TBC1D7: variants seen among roughly 807,000 people sequenced by gnomAD.
TBC1D7 encodes TBC domain family 7.
TBC1D7 carries 33 observed loss-of-function variants against 35.3 expected under a neutral mutation model. The ratio of observed to expected loss-of-function variants is 0.93; its 90% CI spans 0.71 to 1.25. The LOEUF (loss-of-function observed/expected upper bound fraction) is 1.25. TBC1D7 is among the 50% of genes most tolerant of loss of function. The pLI, the probability that TBC1D7 is intolerant of heterozygous loss-of-function variation, is 0.00. For missense variants in TBC1D7, 362 were observed against 365.3 expected (o/e 0.99, Z 0.07); for synonymous variants, 135 against 129.5 (o/e 1.04, Z -0.29).
chr6:13,311,664 T>A (rs1001607747), intron 5 of TBC1D7, among the ~76,000 whole-genome samples: 1 of 152,176 alleles, frequency 6.6e-6, no homozygotes, highest in African/African-American at 2.4e-5. Flanking sequence ...GGCACTGTAA[T>A]GCATACACAA....
intron 5 of TBC1D7, among the ~76,000 whole-genome samples, chr6:13,315,075 T>TA (rs1210363846): frequency 6.6e-6 from 1 of 151,988 alleles, no homozygotes; most frequent in Non-Finnish European, 1.5e-5. Context: ...CAGCTTTTTT[T>TA]AAAAAAAGAA....
At chr6:13,314,856 G>C (rs1026349680) in intron 5 of TBC1D7, among the ~76,000 whole-genome samples, 1 of 152,058 alleles carries the variant, frequency 6.6e-6, no homozygotes, top group African/African-American at 2.4e-5. Context: ...AAGAAAAAAA[G>C]GTTTATTTTT....
chr6:13,320,304 T>A (rs1008629214), intron 4 of TBC1D7: 1 of 159,484 alleles, frequency 6.3e-6, no homozygotes, highest in Non-Finnish European at 1.4e-5. Flanking sequence ...ATGGAGCTGG[T>A]AGATTACGTT....
chr6:13,306,014 GAGATGGTCTC>G (rs1292965303), intron 7 of TBC1D7: 65 of 178,782 alleles, frequency 3.6e-4, no homozygotes, highest in African/African-American at 1.4e-3. Flanking sequence ...ACACATTCAC[GAGATGGTCTC>G]AGACCATCAT....
In TBC1D7 at chr6:13,305,062, T is replaced by G. The variant is rs757253710; in HGVS notation, c.*39A>C. ...CACATGCCAAGAACACAATGCTCACTGTGGTGCCTGGCAGACGGTCCACAA... is the reference window on the plus strand; with the variant it reads ...CACATGCCAAGAACACAATGCTCACGGTGGTGCCTGGCAGACGGTCCACAA... On this transcript the variant is annotated 3_prime_UTR_variant, in exon 8 of 8. Transcript: ENST00000379300. 8.0e-6 allele frequency: 12 copies of G among 1,508,144 alleles called. No homozygotes were observed. Among genetic ancestry groups the G allele is most frequent in the Non-Finnish European group, 3.6e-6 (4 of 1,103,440 alleles). 93.4% of individuals were successfully genotyped at this position (1,508,144 alleles called of 1,614,324 possible). A position where few individuals can be genotyped will look rare whatever the true frequency, so the allele number is the denominator to read the frequency against.
chr6:13,313,980 T>C (rs1783412544), intron 5 of TBC1D7, among the ~76,000 whole-genome samples: 1 of 152,162 alleles, frequency 6.6e-6, no homozygotes, highest in South Asian at 2.1e-4. Context: ...CCCAGCACTT[T>C]GGGAGGCCGA....
intron 4 of TBC1D7, among the ~76,000 whole-genome samples, chr6:13,316,988 T>C (rs890898584): frequency 6.6e-6 from 1 of 152,120 alleles, no homozygotes; most frequent in Non-Finnish European, 1.5e-5. Flanking sequence ...AGAGTCAACA[T>C]AAATCATAAG....
chr6:13,305,019 T>C lies in TBC1D7; in HGVS notation c.*82A>G. ...CACCAAAGCAAGAAAAGTGTATTAT[T>C]CAATCAGTTTCCCAGATCACATGCC... On this transcript the variant is annotated 3_prime_UTR_variant, in exon 8 of 8. Coordinates refer to ENST00000379300, the MANE Select transcript of TBC1D7 (RefSeq NM_016495.6). The C allele has an allele frequency of 1.7e-6, 2 of 1,171,336 alleles. No individual in the cohort carries two copies. The highest frequency in any genetic ancestry group is 3.0e-5 in the South Asian group (2 of 66,820). 72.6% of individuals were successfully genotyped at this position (1,171,336 alleles called of 1,614,324 possible).
chr6:13,323,226 G>A (rs925930439), intron 3 of TBC1D7, among the ~76,000 whole-genome samples: 3 of 152,038 alleles, frequency 2.0e-5, no homozygotes, highest in Admixed American at 1.3e-4. Context: ...GGGGGTGCGC[G>A]CCTGTAGTCC....
intron 3 of TBC1D7, among the ~76,000 whole-genome samples, chr6:13,324,876 C>T (rs915827042): frequency 2.5e-4 from 38 of 152,232 alleles, no homozygotes; most frequent in African/African-American, 9.2e-4. Flanking sequence ...TACTCCAATG[C>T]TCTTCCCAGA....
At chr6:13,305,513 A>AC (rs1449887049) in intron 7 of TBC1D7, 2 of 382,634 alleles carry the variant, frequency 5.2e-6, no homozygotes, top group Non-Finnish European at 9.7e-6. Context: ...ACATGAGGTA[A>AC]CCCATGGAAA....
At chr6:13,320,272 A>G (rs903506187) in intron 4 of TBC1D7, 2 of 156,990 alleles carry the variant, frequency 1.3e-5, no homozygotes, top group Non-Finnish European at 2.8e-5. Context: ...TTATTTGTGA[A>G]GGCATTATTG....
At chr6:13,309,162 T>G (rs921405393) in intron 5 of TBC1D7, among the ~76,000 whole-genome samples, 1 of 152,150 alleles carries the variant, frequency 6.6e-6, no homozygotes, top group African/African-American at 2.4e-5. Flanking sequence ...ACAAGGAAAT[T>G]TGGTTGGTTT....
chr6:13,314,079 G>A (rs1397376902), intron 5 of TBC1D7, among the ~76,000 whole-genome samples: 5 of 152,058 alleles, frequency 3.3e-5, no homozygotes, highest in Admixed American at 6.5e-5. Context: ...TTAGCTGGGC[G>A]TGGTGGCGGG....
intron 5 of TBC1D7, among the ~76,000 whole-genome samples, chr6:13,311,682 C>T (rs560731913): frequency 6.6e-6 from 1 of 152,214 alleles, no homozygotes; most frequent in African/African-American, 2.4e-5. Context: ...CAAAAAGAAG[C>T]CCCATTTTTA....
At chr6:13,318,899 C>G (rs897826757) in intron 4 of TBC1D7, 20 of 152,318 alleles carry the variant, frequency 1.3e-4, no homozygotes, top group African/African-American at 4.8e-4. Flanking sequence ...TGGCTACTTA[C>G]AAGTCTCAAA....
chr6:13,314,717 TATTAACA>T (rs982874516), intron 5 of TBC1D7, among the ~76,000 whole-genome samples: 2 of 152,224 alleles, frequency 1.3e-5, no homozygotes, highest in African/African-American at 4.8e-5. Context: ...CACATTGCCT[TATTAACA>T]ATTAACTGCA....
At chr6:13,311,431 T>C (rs1272079196) in intron 5 of TBC1D7, among the ~76,000 whole-genome samples, 1 of 152,212 alleles carries the variant, frequency 6.6e-6, no homozygotes, top group Non-Finnish European at 1.5e-5. Flanking sequence ...TTATCTTCTT[T>C]TGAGTCCATC....
At chr6:13,305,792 T>C (rs1297944199) in intron 7 of TBC1D7, 1 of 166,932 alleles carries the variant, frequency 6.0e-6, no homozygotes, top group Non-Finnish European at 1.3e-5. Context: ...TTTTCAGCAA[T>C]ATACTAGGTT....
Sources: gnomAD v4.1 joint callset for allele counts (sites outside exome capture counted in the v4.1 genomes callset) on GRCh38, gnomAD v4.1.1 for gene constraint, MANE v1.5 for transcripts, NCBI Gene and HGNC (gene_info 2026-07-23, HGNC 2026-07-21) for gene names.